Variants in RORA observed in about 807,000 individuals in gnomAD.
The protein encoded by RORA is nuclear receptor ROR-alpha.
RORA carries 7 observed loss-of-function variants against 69.5 expected under a neutral mutation model. The ratio of observed to expected loss-of-function variants is 0.10; its 90% CI spans 0.06 to 0.19. RORA has a LOEUF of 0.19. Among genes scored for constraint, RORA ranks in the 10% least tolerant of loss-of-function variants. The pLI, the probability that RORA is intolerant of heterozygous loss-of-function variation, is 1.00. For synonymous variants in RORA, 261 were observed against 240.8 expected (o/e 1.08, Z -0.78); for missense variants, 457 against 663.0 (o/e 0.69, Z 3.41).
chr15:60,788,543 G>T (rs1239429067), intron 1 of RORA, among the ~76,000 whole-genome samples: 1 of 152,136 alleles, frequency 6.6e-6, no homozygotes, highest in Non-Finnish European at 1.5e-5. Flanking sequence ...TCACGGTGTT[G>T]CTGCACCAAG....
intron 1 of RORA, among the ~76,000 whole-genome samples, chr15:60,968,990 C>G (rs76832956): frequency 1.3e-5 from 2 of 152,200 alleles, no homozygotes; most frequent in Non-Finnish European, 2.9e-5. Flanking sequence ...GATTACAAGA[C>G]TGTTATTTTA....
In RORA at chr15:61,093,988, G is replaced by A. The variant is rs562254626; in HGVS notation, c.166+135065C>T. Among the ~76,000 whole-genome samples the A allele has an allele frequency of 3.3e-5, 5 of 152,306 alleles. No homozygotes were observed. The East Asian group carries it at 7.7e-4, about 24-fold the overall frequency. ...TCCGTCGCCAAGTCCTTCAAGGCAC[G>A]TGATGGCCAGAGATATTTTCCAAGG... On this transcript the variant is annotated intron_variant, in intron 1 of 10. Transcript: ENST00000335670.
intron 2 of RORA, among the ~76,000 whole-genome samples, chr15:60,616,186 C>T (rs2069238248): frequency 6.6e-6 from 1 of 152,162 alleles, no homozygotes; most frequent in African/African-American, 2.4e-5. Context: ...GTTTGGGGAT[C>T]AACCGAGAGC....
intron 2 of RORA, among the ~76,000 whole-genome samples, chr15:60,672,445 T>C (rs1264634878): frequency 4.6e-5 from 7 of 152,222 alleles, no homozygotes; most frequent in African/African-American, 1.2e-4. Flanking sequence ...GTGGGGATAG[T>C]AGCAACACCT....
chr15:61,145,804 G>C (rs1395332400), intron 1 of RORA, among the ~76,000 whole-genome samples: 4 of 152,070 alleles, frequency 2.6e-5, no homozygotes, highest in Non-Finnish European at 5.9e-5. Context: ...CCAAGAGAAG[G>C]GGGCAGTATC....
chr15:60,827,301 G>A (rs962560294), intron 1 of RORA, among the ~76,000 whole-genome samples: 3 of 152,160 alleles, frequency 2.0e-5, no homozygotes, highest in South Asian at 4.1e-4. Flanking sequence ...CTTTCCAAAC[G>A]TAAATGACTT....
rs774264773 is a variant in RORA, at chr15:61,147,842, C to T, written c.166+81211G>A. Among the ~76,000 whole-genome samples, 45 of 151,786 alleles carry T rather than the reference C, an allele frequency of 3.0e-4. No individual in the cohort carries two copies. The highest frequency in any genetic ancestry group is 5.1e-4 in the Non-Finnish European group (35 of 67,962). On this transcript the variant is annotated intron_variant, in intron 1 of 10. Coordinates refer to ENST00000335670, the MANE Select transcript of RORA (RefSeq NM_134261.3). This position sits in a 1 kb window ranked among gnomAD's most constrained non-coding sequence, Gnocchi z 4.1. ...TGCCTCCTTCACTGTATAAGCCCAA[C>T]CTGTTCACTGTGTATCATGCAGAGG...
chr15:60,968,458 G>T (rs569646325), intron 1 of RORA, among the ~76,000 whole-genome samples: 8 of 152,122 alleles, frequency 5.3e-5, no homozygotes, highest in African/African-American at 1.9e-4. Context: ...CTGGTTTGGG[G>T]ACCATACTTT....
chr15:61,196,216 T>C (rs1256923491), intron 1 of RORA, among the ~76,000 whole-genome samples: 3 of 152,236 alleles, frequency 2.0e-5, no homozygotes, highest in Non-Finnish European at 2.9e-5. Context: ...AACTACTCAA[T>C]AAATATTTAG....
chr15:60,854,572 A>G (rs904068773), intron 1 of RORA, among the ~76,000 whole-genome samples: 1 of 152,246 alleles, frequency 6.6e-6, no homozygotes, highest in Non-Finnish European at 1.5e-5. Context: ...CACACACATG[A>G]ACATATGGCT....
intron 1 of RORA, among the ~76,000 whole-genome samples, chr15:61,217,472 A>C (rs2080050751): frequency 2.6e-5 from 4 of 152,054 alleles, no homozygotes; most frequent in African/African-American, 9.7e-5. Context: ...GCAGAGGAGG[A>C]GGGGAAAGGT....
At chr15:60,866,202 C>G (rs545089741) in intron 1 of RORA, among the ~76,000 whole-genome samples, 15 of 152,236 alleles carry the variant, frequency 9.9e-5, no homozygotes, top group Non-Finnish European at 1.5e-4. Flanking sequence ...TTATATCCAC[C>G]TCCCCACTAT....
chr15:60,996,749 A>G (rs1317414911), intron 1 of RORA, among the ~76,000 whole-genome samples: 2 of 152,086 alleles, frequency 1.3e-5, no homozygotes, highest in African/African-American at 4.8e-5. Flanking sequence ...TCTCTACTAA[A>G]AATACAAAAA....
At chr15:61,175,552 A>AAAAAAAAAC (rs2079620853) in intron 1 of RORA, among the ~76,000 whole-genome samples, 1 of 151,328 alleles carries the variant, frequency 6.6e-6, no homozygotes, top group South Asian at 2.1e-4. Flanking sequence ...AAAAAAAAAA[A>AAAAAAAAAC]AAAAAAACTT....
At chr15:61,211,717 C>T (rs2079993510) in intron 1 of RORA, among the ~76,000 whole-genome samples, 1 of 152,200 alleles carries the variant, frequency 6.6e-6, no homozygotes, top group Non-Finnish European at 1.5e-5. Flanking sequence ...AGAGCCCCCT[C>T]CCGCCACACT....
At chr15:61,165,817 A>G (rs1047453552) in intron 1 of RORA, among the ~76,000 whole-genome samples, 21 of 152,250 alleles carry the variant, frequency 1.4e-4, no homozygotes, top group African/African-American at 5.1e-4. Context: ...CCTGCCTTAC[A>G]AACATTAATA....
At chr15:60,864,813 T>G (rs995019338) in intron 1 of RORA, among the ~76,000 whole-genome samples, 3 of 152,222 alleles carry the variant, frequency 2.0e-5, no homozygotes, top group Admixed American at 6.5e-5. Flanking sequence ...CAGGCCTTTG[T>G]GCTATGTGCT....
chr15:61,156,488 G>A (rs1260797833), intron 1 of RORA, among the ~76,000 whole-genome samples: 2 of 152,076 alleles, frequency 1.3e-5, no homozygotes, highest in African/African-American at 4.8e-5. Flanking sequence ...AGTCTTCTCA[G>A]CAACTCTCCA....
chr15:60,562,614 T>A (rs1466565979), intron 2 of RORA, among the ~76,000 whole-genome samples: 1 of 135,434 alleles, frequency 7.4e-6, no homozygotes, highest in African/African-American at 3.7e-5. Context: ...TTTCTGTATT[T>A]TTTTTTTTTT....
Sources: allele counts gnomAD v4.1 joint callset (sites outside exome capture counted in the v4.1 genomes callset), GRCh38; gene constraint gnomAD v4.1.1; non-coding constraint Gnocchi (gnomAD v3.1); transcripts MANE v1.5; gene names NCBI Gene and HGNC (gene_info 2026-07-23, HGNC 2026-07-21).